PTPRD: variants seen among roughly 807,000 people sequenced by gnomAD.
PTPRD encodes protein tyrosine phosphatase receptor type D.
In PTPRD, 34 loss-of-function variants were observed where a neutral mutation model predicts 214.5. That is an observed-to-expected ratio of 0.16 (90% CI 0.12 to 0.21). The LOEUF (loss-of-function observed/expected upper bound fraction) is 0.21. Ranked by LOEUF, PTPRD falls within the 10% of genes least tolerant of loss-of-function variation. The probability of loss-of-function intolerance (pLI) is 1.00; values close to 1 mark genes in which losing one functional copy is unlikely to be tolerated. For synonymous variants in PTPRD, 1,128 were observed against 845.7 expected, an observed-to-expected ratio of 1.33 and a Z score of -5.79; for missense variants, 2,545 against 2,398.7, an observed-to-expected ratio of 1.06 and a Z score of -1.27.
intron 3 of PTPRD, among the ~76,000 whole-genome samples, chr9:10,124,341 G>A (rs1008117596): frequency 2.6e-5 from 4 of 152,112 alleles, no homozygotes; most frequent in African/African-American, 7.2e-5. Context: ...TTAATACTTT[G>A]TGCCACCAAA....
chr9:9,649,213 A>C (rs2096272612), intron 7 of PTPRD, among the ~76,000 whole-genome samples: 1 of 152,218 alleles, frequency 6.6e-6, no homozygotes, highest in African/African-American at 2.4e-5. Flanking sequence ...CCCTGTGTAC[A>C]TATTAGCAGA....
intron 11 of PTPRD, among the ~76,000 whole-genome samples, chr9:8,781,539 A>G (rs17660571): frequency 0.11 from 16,367 of 152,276 alleles, 959 homozygotes; most frequent in Middle Eastern, 0.14. Context: ...GGAAAACAGG[A>G]AAAAAGCATT....
chr9:9,994,933 T>G (rs2096070399), intron 4 of PTPRD, among the ~76,000 whole-genome samples: 1 of 152,118 alleles, frequency 6.6e-6, no homozygotes, highest in Non-Finnish European at 1.5e-5. Context: ...TAAAACTATA[T>G]TCACTGTATT....
At chr9:9,845,984 G>A (rs1410034682) in intron 5 of PTPRD, among the ~76,000 whole-genome samples, 5 of 152,066 alleles carry the variant, frequency 3.3e-5, no homozygotes, top group Non-Finnish European at 7.4e-5. Context: ...CAACAACTGG[G>A]AGGAACTAAG....
chr9:8,755,262 G>C (rs1330152779), intron 11 of PTPRD, among the ~76,000 whole-genome samples: 2 of 151,466 alleles, frequency 1.3e-5, no homozygotes, highest in Non-Finnish European at 2.9e-5. Flanking sequence ...AGGTGCGGTG[G>C]CTCACGCCTG....
rs116298200 is a variant in PTPRD, at chr9:8,879,731, T to A, written c.-104+138966A>T. On this transcript the variant is annotated intron_variant, in intron 11 of 45. Coordinates refer to ENST00000381196, the MANE Select transcript of PTPRD (RefSeq NM_002839.4). ...AACTGCTTTCCATTTGGCATAACAATCTTGCATTGGGAAAGCTCATTAGGG... is the reference window on the plus strand; with the variant it reads ...AACTGCTTTCCATTTGGCATAACAAACTTGCATTGGGAAAGCTCATTAGGG... Among the ~76,000 whole-genome samples the A allele has an allele frequency of 7.2e-3, 1,094 of 152,284 alleles. 15 individuals are homozygous for A. Among genetic ancestry groups the A allele is most frequent in the African/African-American group, 0.025 (1,025 of 41,552 alleles).
At chr9:9,718,737 C>T (rs1039221096) in intron 7 of PTPRD, among the ~76,000 whole-genome samples, 1 of 152,230 alleles carries the variant, frequency 6.6e-6, no homozygotes, top group Non-Finnish European at 1.5e-5. Context: ...GGGGGCAGCA[C>T]TGACATGCTG....
intron 3 of PTPRD, among the ~76,000 whole-genome samples, chr9:10,285,198 G>T (rs1053678888): frequency 6.6e-6 from 1 of 152,176 alleles, no homozygotes; most frequent in East Asian, 1.9e-4. Flanking sequence ...CAATATACCT[G>T]CTTTTATCAC....
chr9:9,118,783 T>G (rs1196141361), intron 10 of PTPRD, among the ~76,000 whole-genome samples: 1 of 152,112 alleles, frequency 6.6e-6, no homozygotes, highest in Non-Finnish European at 1.5e-5. Context: ...TAATTTCAAT[T>G]CCAAATGATC....
intron 2 of PTPRD, among the ~76,000 whole-genome samples, chr9:10,584,454 G>A (rs1000941787): frequency 1.1e-4 from 17 of 152,060 alleles, no homozygotes; most frequent in African/African-American, 4.1e-4. Flanking sequence ...ACCTACTTTG[G>A]TGCTGCAAGT....
intron 7 of PTPRD, among the ~76,000 whole-genome samples, chr9:9,654,404 TATATC>T (rs1436352441): frequency 1.3e-5 from 2 of 152,072 alleles, no homozygotes; most frequent in African/African-American, 4.8e-5. Flanking sequence ...TGTTTGCAAA[TATATC>T]ATACATATAT....
intron 2 of PTPRD, among the ~76,000 whole-genome samples, chr9:10,343,982 T>TG: frequency 3.8e-5 from 5 of 133,294 alleles, no homozygotes; most frequent in African/African-American, 1.5e-4. Context: ...ATGGTAGTTT[T>TG]TTTTTTTTTT....
intron 9 of PTPRD, among the ~76,000 whole-genome samples, chr9:9,270,851 C>A (rs1466548380): frequency 1.3e-5 from 2 of 151,134 alleles, no homozygotes; most frequent in Non-Finnish European, 3.0e-5. Context: ...AGGGTAGAAC[C>A]AATAGAACTC....
At chr9:9,270,023 T>C (rs1295265314) in intron 9 of PTPRD, among the ~76,000 whole-genome samples, 1 of 150,630 alleles carries the variant, frequency 6.6e-6, no homozygotes, top group Admixed American at 6.7e-5. Context: ...AATATTACTA[T>C]AACATGTTAA....
chr9:9,448,527 C>T (rs2091192340), intron 8 of PTPRD, among the ~76,000 whole-genome samples: 1 of 152,044 alleles, frequency 6.6e-6, no homozygotes, highest in Non-Finnish European at 1.5e-5. Flanking sequence ...CCTGAGTCCT[C>T]CCCAGCCATG....
chr9:10,275,713 G>A (rs2094644088), intron 3 of PTPRD, among the ~76,000 whole-genome samples: 2 of 152,120 alleles, frequency 1.3e-5, no homozygotes, highest in South Asian at 2.1e-4. Context: ...AGAATTGCAG[G>A]AGAGAATTCT....
At chr9:8,941,504 TG>T (rs1239817977) in intron 11 of PTPRD, among the ~76,000 whole-genome samples, 1 of 152,164 alleles carries the variant, frequency 6.6e-6, no homozygotes, top group Non-Finnish European at 1.5e-5. Flanking sequence ...TGTGAGACCT[TG>T]GGTAAGTAAC....
At chr9:10,199,704 G>C (rs962027902) in intron 3 of PTPRD, among the ~76,000 whole-genome samples, 2 of 151,856 alleles carry the variant, frequency 1.3e-5, no homozygotes, top group African/African-American at 4.8e-5. Flanking sequence ...CACAAAACCA[G>C]GAAGGAGCAA....
chr9:8,431,532 T>G (rs2095053923), intron 35 of PTPRD, among the ~76,000 whole-genome samples: 1 of 152,196 alleles, frequency 6.6e-6, no homozygotes, highest in African/African-American at 2.4e-5. Flanking sequence ...TAAATAAGAT[T>G]TGTATATATA....
Sources: gnomAD v4.1 joint callset for allele counts (sites outside exome capture counted in the v4.1 genomes callset) on GRCh38, gnomAD v4.1.1 for gene constraint, MANE v1.5 for transcripts, NCBI Gene and HGNC (gene_info 2026-07-23, HGNC 2026-07-21) for gene names.